CNTN5: variants seen among roughly 807,000 people sequenced by gnomAD.
The protein encoded by CNTN5 is contactin-5.
A neutral mutation model predicts 129.1 loss-of-function variants in CNTN5; 77 were observed. That is an observed-to-expected ratio of 0.60 (90% CI 0.50 to 0.72). CNTN5 has a LOEUF of 0.72. CNTN5 is among the 30% of genes least tolerant of loss of function. CNTN5 has a pLI of 0.00. For missense variants in CNTN5, 1,478 were observed against 1,328.8 expected (o/e 1.11, Z -1.75); for synonymous variants, 509 against 465.6 (o/e 1.09, Z -1.20).
intron 17 of CNTN5, among the ~76,000 whole-genome samples, chr11:100,264,358 G>A (rs921492724): frequency 8.5e-5 from 13 of 152,162 alleles, no homozygotes; most frequent in Admixed American, 5.9e-4. Context: ...ACATGCATTA[G>A]GTGTTTGTCC....
intron 18 of CNTN5, among the ~76,000 whole-genome samples, chr11:100,289,472 T>C (rs1950896908): frequency 6.6e-6 from 1 of 151,618 alleles, no homozygotes; most frequent in African/African-American, 2.4e-5. Context: ...AATCAATAAA[T>C]GTAATCCAGC....
At chr11:99,899,092 C>T (rs1949284492) in intron 6 of CNTN5, among the ~76,000 whole-genome samples, 1 of 152,018 alleles carries the variant, frequency 6.6e-6, no homozygotes, top group Non-Finnish European at 1.5e-5. Context: ...TGAGACTTTA[C>T]TGAAGTCACT....
chr11:100,074,053 C>A, intron 12 of CNTN5, 91 bp from the exon 13 acceptor site: 4 of 1,236,724 alleles, frequency 3.2e-6, no homozygotes, highest in Non-Finnish European at 4.5e-6. Context: ...AAATGCCTCC[C>A]AGAAGAAAAA....
At chr11:99,896,443 A>T (rs1949208930) in intron 6 of CNTN5, among the ~76,000 whole-genome samples, 1 of 152,160 alleles carries the variant, frequency 6.6e-6, no homozygotes. Context: ...ATGTACCTCC[A>T]GCATGGGACT....
chr11:99,631,199 A>G (rs544782887), intron 3 of CNTN5, among the ~76,000 whole-genome samples: 18 of 152,228 alleles, frequency 1.2e-4, no homozygotes, highest in African/African-American at 4.1e-4. Context: ...TTGAGATTTA[A>G]TACTGTACTA....
chr11:99,371,371 G>A (rs1474850298), intron 2 of CNTN5, among the ~76,000 whole-genome samples: 4 of 151,850 alleles, frequency 2.6e-5, no homozygotes, highest in African/African-American at 4.8e-5. Context: ...ATACATATGT[G>A]TACTTGTGTG....
intron 2 of CNTN5, among the ~76,000 whole-genome samples, chr11:99,503,847 C>A (rs11220214): frequency 0.25 from 37,410 of 151,878 alleles, 5,140 homozygotes; most frequent in East Asian, 0.43. Flanking sequence ...ACTTTAATGG[C>A]AAAATCCATT....
intron 1 of CNTN5, among the ~76,000 whole-genome samples, chr11:99,052,992 G>T (rs1049259490): frequency 6.6e-6 from 1 of 151,762 alleles, no homozygotes; most frequent in African/African-American, 2.4e-5. Flanking sequence ...CAGCTCCAGA[G>T]CTTGACATAC....
At chr11:99,172,929 G>C (rs1861213337) in intron 1 of CNTN5, among the ~76,000 whole-genome samples, 1 of 152,216 alleles carries the variant, frequency 6.6e-6, no homozygotes. Flanking sequence ...ACCCGAGATT[G>C]GGAAATTTAC....
chr11:99,721,785 A>T lies in CNTN5; in HGVS notation c.56-97759A>T, dbSNP rs374220461. ...TGATAAGGAACTTGAACACATTTACAAAAGAAAAACATACAACCCCATTTA... is the reference window on the plus strand; with the variant it reads ...TGATAAGGAACTTGAACACATTTACTAAAGAAAAACATACAACCCCATTTA... On this transcript the variant is annotated intron_variant, in intron 3 of 24. Transcript: ENST00000524871. Among the ~76,000 whole-genome samples the T allele has an allele frequency of 3.9e-5, 6 of 152,170 alleles. No individual in the cohort carries two copies. The East Asian group carries it at 1.2e-3, about 29-fold the overall frequency.
intron 1 of CNTN5, among the ~76,000 whole-genome samples, chr11:99,233,156 A>C (rs1395841781): frequency 6.6e-6 from 1 of 152,220 alleles, no homozygotes; most frequent in Non-Finnish European, 1.5e-5. Context: ...AGCATAAACA[A>C]AAGTCCTTTA....
At chr11:100,202,680 A>C (rs1948809944) in intron 15 of CNTN5, among the ~76,000 whole-genome samples, 1 of 151,938 alleles carries the variant, frequency 6.6e-6, no homozygotes, top group Non-Finnish European at 1.5e-5. Context: ...AGAATTTTAC[A>C]TTTTTAACAG....
intron 7 of CNTN5, among the ~76,000 whole-genome samples, chr11:99,930,774 TA>T (rs1950172411): frequency 8.2e-6 from 1 of 121,980 alleles, no homozygotes; most frequent in South Asian, 3.0e-4. Flanking sequence ...AAACAGTAGA[TA>T]AAAATAAACA....
At chr11:99,961,144 G>C (rs1950931699) in intron 8 of CNTN5, among the ~76,000 whole-genome samples, 1 of 146,214 alleles carries the variant, frequency 6.8e-6, no homozygotes, top group African/African-American at 2.5e-5. Context: ...GGCGGATGCT[G>C]CAGTGAGCCA....
At chr11:99,187,851 C>G (rs1445652006) in intron 1 of CNTN5, among the ~76,000 whole-genome samples, 1 of 151,432 alleles carries the variant, frequency 6.6e-6, no homozygotes, top group Non-Finnish European at 1.5e-5. Flanking sequence ...TACAAAACAT[C>G]TGAGAGTCAG....
chr11:99,408,476 AAG>A (rs1362620209), intron 2 of CNTN5, among the ~76,000 whole-genome samples: 1 of 135,466 alleles, frequency 7.4e-6, no homozygotes, highest in Non-Finnish European at 1.7e-5. Flanking sequence ...GAAAGAAAGA[AAG>A]AAAGAAAGAA....
intron 3 of CNTN5, among the ~76,000 whole-genome samples, chr11:99,638,881 C>T (rs1301042750): frequency 6.6e-6 from 1 of 152,114 alleles, no homozygotes; most frequent in Non-Finnish European, 1.5e-5. Flanking sequence ...ATCAGTGGAT[C>T]TACTGTTCTG....
At chr11:99,061,412 C>G (rs927448841) in intron 1 of CNTN5, among the ~76,000 whole-genome samples, 1 of 152,134 alleles carries the variant, frequency 6.6e-6, no homozygotes, top group African/African-American at 2.4e-5. Flanking sequence ...TTCCGCCCAA[C>G]TGAGTTTGCA....
intron 3 of CNTN5, among the ~76,000 whole-genome samples, chr11:99,679,572 T>C (rs1055776137): frequency 6.6e-6 from 1 of 152,174 alleles, no homozygotes; most frequent in African/African-American, 2.4e-5. Flanking sequence ...TGCTGAACAC[T>C]GCATGTGTTC....
Sources: allele counts gnomAD v4.1 joint callset (sites outside exome capture counted in the v4.1 genomes callset), GRCh38; gene constraint gnomAD v4.1.1; transcripts MANE v1.5; gene names NCBI Gene and HGNC (gene_info 2026-07-23, HGNC 2026-07-21).